Variants in P4HA1 observed in about 807,000 individuals in gnomAD.
The protein encoded by P4HA1 is prolyl 4-hydroxylase subunit alpha-1.
P4HA1 carries 24 observed loss-of-function variants against 72.8 expected under a neutral mutation model. The ratio of observed to expected loss-of-function variants is 0.33; its 90% CI spans 0.24 to 0.46. The LOEUF (loss-of-function observed/expected upper bound fraction) is 0.46. Ranked by LOEUF, P4HA1 falls within the 20% of genes least tolerant of loss-of-function variation. The probability of loss-of-function intolerance (pLI) is 1.00; values close to 1 mark genes in which losing one functional copy is unlikely to be tolerated. For missense variants in P4HA1, 446 were observed against 640.6 expected (o/e 0.70, Z 3.28); for synonymous variants, 201 against 218.8 (o/e 0.92, Z 0.72).
At chr10:73,080,565 A>C (rs1221016365) in intron 1 of P4HA1, among the ~76,000 whole-genome samples, 1 of 152,248 alleles carries the variant, frequency 6.6e-6, no homozygotes, top group Non-Finnish European at 1.5e-5. Context: ...TCATTCATCC[A>C]CATTCATTCA....
chr10:73,083,130 A>G (rs1420131867), intron 1 of P4HA1, among the ~76,000 whole-genome samples: 1 of 152,210 alleles, frequency 6.6e-6, no homozygotes, highest in Non-Finnish European at 1.5e-5. Context: ...TTCCAAGACA[A>G]GTAAGAGTAA....
chr10:73,046,180 G>A (rs1396717854), intron 8 of P4HA1, among the ~76,000 whole-genome samples: 1 of 152,042 alleles, frequency 6.6e-6, no homozygotes, highest in African/African-American at 2.4e-5. Context: ...TGACCTTTAT[G>A]GAAAAAATCT....
intron 10 of P4HA1, among the ~76,000 whole-genome samples, chr10:73,021,920 T>C (rs891743016): frequency 6.6e-6 from 1 of 152,110 alleles, no homozygotes; most frequent in Non-Finnish European, 1.5e-5. Context: ...ACCTGAGAGG[T>C]TGCAGCCTGG....
chr10:73,074,790 A>G lies in P4HA1; in HGVS notation c.76+18T>C. On this transcript the variant is annotated intron_variant, in intron 2 of 14. Coordinates refer to ENST00000394890, the MANE Select transcript of P4HA1 (RefSeq NM_001017962.3). Reference sequence around the variant, plus strand: ...AAAAATGCAAAACCAACAAAAAACAACAAGTAGTAAGACTTACCAATTGAA... The same window carrying G: ...AAAAATGCAAAACCAACAAAAAACAGCAAGTAGTAAGACTTACCAATTGAA... 1 of 1,362,382 alleles carries G rather than the reference A, an allele frequency of 7.3e-7. No homozygotes were observed. The highest frequency in any genetic ancestry group is 1.2e-5 in the South Asian group (1 of 82,046). The allele number at this position is 1,362,382 out of a possible 1,614,324, so 84.4% of individuals were successfully genotyped here.
chr10:73,078,706 G>C (rs1841759982), intron 1 of P4HA1, among the ~76,000 whole-genome samples: 1 of 147,964 alleles, frequency 6.8e-6, no homozygotes, highest in Non-Finnish European at 1.5e-5. Context: ...CCGCCTCCCG[G>C]GTTCAAGCGA....
At chr10:73,069,013 A>C in intron 4 of P4HA1, 30 bp from the exon 5 acceptor site, 1 of 1,551,394 alleles carries the variant, frequency 6.4e-7, no homozygotes, top group Non-Finnish European at 8.8e-7. Context: ...AGAAAAAAAA[A>C]CTGTAGAACC....
At chr10:73,066,943 T>G (rs1015508917) in intron 5 of P4HA1, among the ~76,000 whole-genome samples, 3 of 152,114 alleles carry the variant, frequency 2.0e-5, no homozygotes, top group Non-Finnish European at 2.9e-5. Context: ...ACTTACCCAG[T>G]CTTGGGTATT....
intron 1 of P4HA1, among the ~76,000 whole-genome samples, chr10:73,095,700 T>G (rs1291284715): frequency 6.6e-6 from 1 of 152,164 alleles, no homozygotes; most frequent in South Asian, 2.1e-4. Flanking sequence ...GGCAAGTCTC[T>G]TTGGCCTTTT....
chr10:73,070,201 A>T (rs1184007565), intron 4 of P4HA1, among the ~76,000 whole-genome samples: 1 of 116,666 alleles, frequency 8.6e-6, no homozygotes, highest in African/African-American at 3.4e-5. Flanking sequence ...TCTGTCACCC[A>T]GGCTGGAATG....
In P4HA1 at chr10:73,007,522, C is replaced by T. The variant is rs1013596463; in HGVS notation, c.*700G>A. On this transcript the variant is annotated 3_prime_UTR_variant, in exon 15 of 15. Transcript: ENST00000394890. Reference sequence around the variant, plus strand: ...TTTAAAAAAGGGATAAAAAAACAGGCTAAGTGGTGAGCATTTTAGTTAAGA... The same window carrying T: ...TTTAAAAAAGGGATAAAAAAACAGGTTAAGTGGTGAGCATTTTAGTTAAGA... The T allele has an allele frequency of 6.6e-6, 1 of 150,848 alleles. No homozygotes were observed. Among genetic ancestry groups the T allele is most frequent in the Non-Finnish European group, 1.5e-5 (1 of 67,750 alleles). 9.3% of individuals were successfully genotyped at this position (150,848 alleles called of 1,614,324 possible).
intron 10 of P4HA1, among the ~76,000 whole-genome samples, chr10:73,018,074 C>A (rs1011881558): frequency 6.6e-6 from 1 of 152,186 alleles, no homozygotes; most frequent in Non-Finnish European, 1.5e-5. Context: ...CCAAGCAGAG[C>A]TGCCAGCAGC....
intron 5 of P4HA1, among the ~76,000 whole-genome samples, chr10:73,065,971 T>C (rs1227625197): frequency 1.3e-5 from 2 of 152,186 alleles, no homozygotes; most frequent in Non-Finnish European, 2.9e-5. Flanking sequence ...TAGAGTATGA[T>C]GTACTATTGA....
chr10:73,064,389 C>CA (rs1564632680), intron 5 of P4HA1, among the ~76,000 whole-genome samples: 1 of 152,180 alleles, frequency 6.6e-6, no homozygotes. Context: ...GTAGGAGGAT[C>CA]ACCTTAGCTT....
At chr10:73,044,819 G>A (rs1402750097) in intron 9 of P4HA1, among the ~76,000 whole-genome samples, 162 bp downstream of exon 9, 1 of 152,180 alleles carries the variant, frequency 6.6e-6, no homozygotes, top group African/African-American at 2.4e-5. Context: ...AGAAAGACCT[G>A]TGAAACACAA....
At chr10:73,059,424 T>A (rs11000509) in intron 5 of P4HA1, among the ~76,000 whole-genome samples, 5,847 of 24,126 alleles carry the variant, frequency 0.24, 425 homozygotes, top group African/African-American at 0.41. Flanking sequence ...ACAATATATT[T>A]AAAAAAAAAA....
At chr10:73,016,420 T>TC (rs961758289) in intron 11 of P4HA1, among the ~76,000 whole-genome samples, 1 of 152,098 alleles carries the variant, frequency 6.6e-6, no homozygotes, top group Non-Finnish European at 1.5e-5. Context: ...ATCGCAATGG[T>TC]CCCCCCTTGA....
intron 5 of P4HA1, chr10:73,065,165 G>A (rs1841390752): frequency 6.6e-6 from 1 of 151,966 alleles, no homozygotes; most frequent in Non-Finnish European, 1.5e-5. Context: ...ACTTCCACAT[G>A]AAGCAAATTG....
intron 4 of P4HA1, among the ~76,000 whole-genome samples, chr10:73,069,632 A>T (rs1170949182): frequency 1.3e-5 from 2 of 152,200 alleles, no homozygotes; most frequent in Non-Finnish European, 2.9e-5. Context: ...TATATAAAGT[A>T]TGCAAAAATC....
intron 7 of P4HA1, among the ~76,000 whole-genome samples, chr10:73,050,240 T>C (rs1333404109): frequency 6.6e-6 from 1 of 151,978 alleles, no homozygotes; most frequent in Non-Finnish European, 1.5e-5. Flanking sequence ...CCTTTAAACT[T>C]ATTTGATCCT....
Sources: gnomAD v4.1 joint callset for allele counts (sites outside exome capture counted in the v4.1 genomes callset) on GRCh38, gnomAD v4.1.1 for gene constraint, MANE v1.5 for transcripts, NCBI Gene and HGNC (gene_info 2026-07-23, HGNC 2026-07-21) for gene names.